Variants in WDR86 observed in about 807,000 individuals in gnomAD.
WDR86 encodes the protein WD repeat domain 86.
A neutral mutation model predicts 36.5 loss-of-function variants in WDR86; 30 were observed. The ratio of observed to expected loss-of-function variants is 0.82; its 90% CI spans 0.61 to 1.11. The LOEUF is 1.11. Ranked by LOEUF, WDR86 falls within the 50% of genes most tolerant of loss-of-function variation. The pLI, the probability that WDR86 is intolerant of heterozygous loss-of-function variation, is 0.00. For missense variants in WDR86, 545 were observed against 561.2 expected, an observed-to-expected ratio of 0.97 and a Z score of 0.29; for synonymous variants, 255 against 252.9, an observed-to-expected ratio of 1.01 and a Z score of -0.08.
At chr7:151,397,427 T>G (rs1244678955) in intron 2 of WDR86, among the ~76,000 whole-genome samples, 1 of 152,200 alleles carries the variant, frequency 6.6e-6, no homozygotes, top group East Asian at 1.9e-4. Context: ...AAACATGTAT[T>G]TATTTATTTA....
At chr7:151,371,363 A>AC (rs57489077), downstream of WDR86, among the ~76,000 whole-genome samples, 68,310 of 119,130 alleles carry the variant, frequency 0.57, 14,992 homozygotes, top group East Asian at 0.76. Flanking sequence ...TTTTACCCCC[A>AC]CCCCCCACCC....
At chr7:151,387,102 G>A (rs569659997) in intron 3 of WDR86, among the ~76,000 whole-genome samples, 17 of 152,302 alleles carry the variant, frequency 1.1e-4, no homozygotes, top group African/African-American at 4.1e-4. Flanking sequence ...CTGTGCTTGC[G>A]TCCCAGACAG....
downstream of WDR86, among the ~76,000 whole-genome samples, chr7:151,378,922 G>A (rs764676132): frequency 6.6e-5 from 10 of 152,332 alleles, no homozygotes; most frequent in African/African-American, 2.4e-4. Flanking sequence ...AGAGGAAGCC[G>A]GCTGTGGAGG....
At chr7:151,381,064 C>T, downstream of WDR86, 1 of 1,055,848 alleles carries the variant, frequency 9.5e-7, no homozygotes, top group South Asian at 4.8e-5. This position sits in a 1 kb window ranked among gnomAD's most constrained non-coding sequence, Gnocchi z 4.8. Context: ...TCCTGGAATC[C>T]CAAGCTCCAA....
chr7:151,383,048 C>T (rs1798716684), intron 4 of WDR86, among the ~76,000 whole-genome samples: 1 of 150,720 alleles, frequency 6.6e-6, no homozygotes, highest in Non-Finnish European at 1.5e-5. Context: ...GCAGTGGTAC[C>T]ATCTTAGCTC....
At chr7:151,383,376 A>G (rs1163352081) in intron 4 of WDR86, among the ~76,000 whole-genome samples, 1 of 151,568 alleles carries the variant, frequency 6.6e-6, no homozygotes, top group Non-Finnish European at 1.5e-5. Flanking sequence ...TAGGAGGCTG[A>G]GGCAGGAGAA....
In WDR86 at chr7:151,381,846, G is replaced by T. The variant is rs1259809968; in HGVS notation, c.966+32C>A. 1.3e-6 allele frequency: 2 copies of T among 1,578,074 alleles called. No homozygotes were observed. Among genetic ancestry groups the T allele is most frequent in the Non-Finnish European group, 1.7e-6 (2 of 1,162,538 alleles). ...GGGCGGGGCACCTTCCCTCCCACGG[G>T]CGGCGGCCCCGAGAAGGGCAGAGGG... is the stretch of plus-strand genomic sequence containing the variant. On this transcript the variant is annotated intron_variant, in intron 5 of 5. Transcript: ENST00000334493. The surrounding 1 kb of genome is among the most constrained non-coding windows in gnomAD (Gnocchi z 4.8).
chr7:151,400,086 C>A lies in WDR86; in HGVS notation c.305+14G>T. ...GTATGGTGAGACTCAGCCCAAGCCC[C>A]CAGCCAGGCTGACCTGTTCACGATG... On this transcript the variant is annotated intron_variant, in intron 2 of 5. Transcript: ENST00000334493. The A allele has an allele frequency of 6.4e-7, 1 of 1,551,460 alleles. No individual in the cohort carries two copies. The highest frequency in any genetic ancestry group is 8.7e-7 in the Non-Finnish European group (1 of 1,145,828).
In WDR86 at chr7:151,409,221, C is replaced by G. The variant is rs113213372; in HGVS notation, c.163+206G>C. 21 of 852,368 alleles carry G rather than the reference C, an allele frequency of 2.5e-5. No individual in the cohort carries two copies. Among genetic ancestry groups the G allele is most frequent in the Non-Finnish European group, 3.5e-5 (19 of 543,634 alleles). 52.8% of individuals were successfully genotyped at this position (852,368 alleles called of 1,614,324 possible). Reference sequence around the variant, plus strand: ...ATCCCGGCCGCACCCTGCTCTGCACCCGCACCCCACCCCCAGACCTCACCC... The same window carrying G: ...ATCCCGGCCGCACCCTGCTCTGCACGCGCACCCCACCCCCAGACCTCACCC... On this transcript the variant is annotated intron_variant, in intron 1 of 5. Coordinates refer to ENST00000334493, the MANE Select transcript of WDR86 (RefSeq NM_198285.3). This position sits in a 1 kb window ranked among gnomAD's most constrained non-coding sequence, Gnocchi z 5.2.
chr7:151,381,438 G>GCCTGCGACGGGCTCTCCTC lies in WDR86; in HGVS notation c.*125_*143dup. 2 of 1,491,662 alleles carry GCCTGCGACGGGCTCTCCTC rather than the reference G, an allele frequency of 1.3e-6. No homozygotes were observed. Among genetic ancestry groups the GCCTGCGACGGGCTCTCCTC allele is most frequent in the South Asian group, 2.5e-5 (2 of 79,658 alleles). The allele number at this position is 1,491,662 out of a possible 1,614,324, so 92.4% of individuals were successfully genotyped here. A position where few individuals can be genotyped will look rare whatever the true frequency, so the allele number is the denominator to read the frequency against. ...CCTGGCCACCAAAGAAAAACCAGAC[G>GCCTGCGACGGGCTCTCCTC]CCTGCGACGGGCTCTCCTCCCGCCC... On this transcript the variant is annotated 3_prime_UTR_variant, in exon 6 of 6. Coordinates refer to ENST00000334493, the MANE Select transcript of WDR86 (RefSeq NM_198285.3). The surrounding 1 kb of genome is among the most constrained non-coding windows in gnomAD (Gnocchi z 4.8).
At chr7:151,398,344 TGC>T (rs1800024576) in intron 2 of WDR86, among the ~76,000 whole-genome samples, 1 of 152,032 alleles carries the variant, frequency 6.6e-6, no homozygotes, top group South Asian at 2.1e-4. Context: ...TGTGTATGAG[TGC>T]ATATGTATGT....
At chr7:151,384,819 G>A (rs1798848973) in intron 4 of WDR86, among the ~76,000 whole-genome samples, 1 of 152,220 alleles carries the variant, frequency 6.6e-6, no homozygotes. Flanking sequence ...TACACCCTTT[G>A]GGACATGCTT....
downstream of WDR86, chr7:151,377,380 A>G (rs528109970): frequency 4.5e-5 from 24 of 530,358 alleles, no homozygotes; most frequent in South Asian, 7.2e-4. Flanking sequence ...GAGGGGTCCC[A>G]GGGCCTTCAT....
At chr7:151,376,595 G>C, downstream of WDR86, 1 of 1,549,622 alleles carries the variant, frequency 6.5e-7, no homozygotes, top group Non-Finnish European at 8.8e-7. Context: ...CAGAAGAGGC[G>C]CCAGGGGCTG....
intron 1 of WDR86, among the ~76,000 whole-genome samples, chr7:151,404,365 G>T (rs750628474): frequency 2.6e-5 from 4 of 152,156 alleles, no homozygotes; most frequent in Non-Finnish European, 5.9e-5. Flanking sequence ...CTCTTCCCCT[G>T]GGTTTCTAAG....
chr7:151,374,596 ATTGT>A (rs918212457), downstream of WDR86: 3 of 326,302 alleles, frequency 9.2e-6, no homozygotes, highest in East Asian at 6.0e-5. Context: ...TTGTAGTATA[ATTGT>A]TTGGCATTAA....
In WDR86 at chr7:151,381,758, GGGGCGGGCGTC is replaced by G; in HGVS notation, c.967-23_967-13del. The stretch of plus-strand genomic sequence containing the variant: ...ACCTGGCCGTGCACCTGCGGGCGCA[GGGGCGGGCGTC>G]ACCGGTGACGCGGTAGGCGGGGGGG... On this transcript the variant is annotated splice_polypyrimidine_tract_variant and intron_variant, in intron 5 of 5. Coordinates refer to ENST00000334493, the MANE Select transcript of WDR86 (RefSeq NM_198285.3). The surrounding 1 kb of genome is among the most constrained non-coding windows in gnomAD (Gnocchi z 4.8). 6.7e-7 allele frequency: 1 copy of G among 1,493,548 alleles called. No individual in the cohort carries two copies. The highest frequency in any genetic ancestry group is 8.9e-7 in the Non-Finnish European group (1 of 1,124,320). The allele number at this position is 1,493,548 out of a possible 1,614,324, so 92.5% of individuals were successfully genotyped here.
At chr7:151,385,507 TG>T (rs1335314855) in intron 3 of WDR86, among the ~76,000 whole-genome samples, 1 of 152,164 alleles carries the variant, frequency 6.6e-6, no homozygotes, top group Admixed American at 6.5e-5. Flanking sequence ...CTGCTTCCCC[TG>T]AGGATTAGGA....
chr7:151,389,603 G>A (rs1370038047), intron 3 of WDR86, among the ~76,000 whole-genome samples: 1 of 152,206 alleles, frequency 6.6e-6, no homozygotes, highest in Non-Finnish European at 1.5e-5. Context: ...GGGGGCCCAG[G>A]ACTCTTAAGG....
Sources: allele counts gnomAD v4.1 joint callset (sites outside exome capture counted in the v4.1 genomes callset), GRCh38; gene constraint gnomAD v4.1.1; non-coding constraint Gnocchi (gnomAD v3.1); transcripts MANE v1.5; gene names NCBI Gene and HGNC (gene_info 2026-07-23, HGNC 2026-07-21).